Variants in CEP152 observed in about 807,000 individuals in gnomAD.
The protein encoded by CEP152 is centrosomal protein 152.
A neutral mutation model predicts 188.9 loss-of-function variants in CEP152; 132 were observed. That is an observed-to-expected ratio of 0.70 (90% CI 0.61 to 0.81). The LOEUF is 0.81. CEP152 is among the 30% of genes least tolerant of loss of function. CEP152 has a pLI of 0.00. For missense variants in CEP152, 1,914 were observed against 1,969.8 expected, an observed-to-expected ratio of 0.97 and a Z score of 0.54; for synonymous variants, 649 against 666.6, an observed-to-expected ratio of 0.97 and a Z score of 0.41.
chr15:48,777,770 T>G (rs1042007225), intron 12 of CEP152, among the ~76,000 whole-genome samples: 3 of 152,174 alleles, frequency 2.0e-5, no homozygotes, highest in Non-Finnish European at 4.4e-5. Context: ...AGCAGAATGA[T>G]TATTTTGCTC....
chr15:48,797,908 G>T, intron 3 of CEP152, 40 bp downstream of exon 3: 2 of 1,530,772 alleles, frequency 1.3e-6, no homozygotes, highest in Non-Finnish European at 1.8e-6. Flanking sequence ...AAGACTTATA[G>T]AATTGCAATA....
chr15:48,772,280 G>A (rs201930708), intron 13 of CEP152, among the ~76,000 whole-genome samples: 6 of 152,128 alleles, frequency 3.9e-5, no homozygotes, highest in East Asian at 1.9e-4. Flanking sequence ...GCATAGTGGC[G>A]TGCGCCTGTG....
Position 48,782,151 on chromosome 15 carries a change from G to C in CEP152, c.1401C>G (p.Asn467Lys). The C allele has an allele frequency of 2.5e-6, 4 of 1,613,740 alleles. No individual in the cohort carries two copies. Among genetic ancestry groups the C allele is most frequent in the Non-Finnish European group, 3.4e-6 (4 of 1,179,746 alleles). ...QKAHAMSANMNKALQEELTEL... is the reference protein window; with the variant it reads ...QKAHAMSANMKKALQEELTEL... ...TGGCAACACTCACTTGCAAAGCCTT[G>C]TTCATGTTTGCACTCATAGCATGTG... is the stretch of plus-strand genomic sequence containing the variant. The change falls in exon 11 of 27, where the codon AAC becomes AAG. Residue 467 changes from asparagine (N) to lysine (K), a missense_variant. Coordinates refer to ENST00000380950, the MANE Select transcript of CEP152 (RefSeq NM_001194998.2).
chr15:48,796,163 G>C lies in CEP152; in HGVS notation c.541-3C>G. ...TCCAAACCTTGACAACTGGGACCCT[G>C]TGATAACAAATGAAACTGACAATTA... On this transcript the variant is annotated splice_region_variant and splice_polypyrimidine_tract_variant and intron_variant, in intron 5 of 26. Coordinates refer to ENST00000380950, the MANE Select transcript of CEP152 (RefSeq NM_001194998.2). The C allele has an allele frequency of 1.9e-6, 3 of 1,613,398 alleles. No homozygotes were observed. The highest frequency in any genetic ancestry group is 2.5e-6 in the Non-Finnish European group (3 of 1,179,604).
chr15:48,734,659 A>G (rs2140529926), downstream of CEP152, among the ~76,000 whole-genome samples: 1 of 152,138 alleles, frequency 6.6e-6, no homozygotes, highest in Non-Finnish European at 1.5e-5. Flanking sequence ...AGATACAAAT[A>G]GGTTAAAAGG....
At chr15:48,750,308 A>G (rs1383367564) in intron 21 of CEP152, among the ~76,000 whole-genome samples, 3 of 152,140 alleles carry the variant, frequency 2.0e-5, no homozygotes, top group East Asian at 3.8e-4. Flanking sequence ...AATACATAAA[A>G]TTTATAAAAT....
At chr15:48,729,730 T>C (rs980981676) in intron 2 of CEP152, 8 of 152,112 alleles carry the variant, frequency 5.3e-5, no homozygotes, top group African/African-American at 1.7e-4. Flanking sequence ...TGTTTTTATA[T>C]ACATGTACAT....
Position 48,755,017 on chromosome 15 carries a change from C to CT in CEP152, c.3345+885dup, listed in dbSNP as rs34877620. ...TATTAGACAAACCTTATAATACTGG[C>CT]TTTTTTTTTTTTCCTGCCTCTAATC... On this transcript the variant is annotated intron_variant, in intron 20 of 26. Coordinates refer to ENST00000380950, the MANE Select transcript of CEP152 (RefSeq NM_001194998.2). Among the ~76,000 whole-genome samples, 906 of 144,166 alleles carry CT rather than the reference C, an allele frequency of 6.3e-3. 1 individual carries two copies. Among genetic ancestry groups the CT allele is most frequent in the African/African-American group, 0.02 (790 of 39,680 alleles). 94.6% of individuals were successfully genotyped at this position (144,166 alleles called of 152,430 possible).
At position 48,738,022 on chromosome 15, in the gene CEP152, C is replaced by G. The variant is rs975826562; in HGVS notation, c.*227G>C. On this transcript the variant is annotated 3_prime_UTR_variant, in exon 27 of 27. Transcript: ENST00000380950. Reference sequence around the variant, plus strand: ...AGTATAAAAATAGATGGTTTAGAAACCAAAAATAAGCACCACACAAAAGCA... The same window carrying G: ...AGTATAAAAATAGATGGTTTAGAAAGCAAAAATAAGCACCACACAAAAGCA... 3.8e-5 allele frequency: 19 copies of G among 497,674 alleles called. No individual in the cohort carries two copies. The highest frequency in any genetic ancestry group is 5.4e-4 in the Middle Eastern group (1 of 1,848). The allele number at this position is 497,674 out of a possible 1,614,324, so 30.8% of individuals were successfully genotyped here.
In CEP152 at chr15:48,744,987, T is replaced by C; in HGVS notation, c.3640A>G (p.Asn1214Asp). 1 of 1,598,394 alleles carries C rather than the reference T, an allele frequency of 6.3e-7. No individual in the cohort carries two copies. Among genetic ancestry groups the C allele is most frequent in the Non-Finnish European group, 8.5e-7 (1 of 1,171,630 alleles). Residue 1214 changes from asparagine (N) to aspartate (D), a missense_variant, in exon 23 of 27, where the codon AAT becomes GAT. Physicochemically the swap from Asn to Asp is conservative, Grantham distance 23. Transcript: ENST00000380950. ...ATTAATTCTTCAACAACTTTATTAT[T>C]CTCTTCTATAACAGAAAGTTTATAG... ...KAVVEKIGEE[N>D]NKVVEELIEE...
chr15:48,756,352 C>T lies in CEP152; in HGVS notation c.2896G>A (p.Glu966Lys), dbSNP rs1274837846. ...TGTTCTTGGATTCTGTGGATTTCTT[C>T]TTGCTTTTCTTTGTTCCATTCACTC... Reference protein sequence around the residue: ...ARSEWNKEKQEEIHRIQEQNE... With the variant: ...ARSEWNKEKQKEIHRIQEQNE... Residue 966 changes from glutamate to lysine, a missense_variant, in exon 20 of 27, where the codon GAA (glutamate) becomes AAA (lysine). By Grantham distance (56) the Glu-to-Lys change is moderately conservative (BLOSUM62 1). Coordinates refer to ENST00000380950, the MANE Select transcript of CEP152 (RefSeq NM_001194998.2). 1 of 1,574,878 alleles carries T rather than the reference C, an allele frequency of 6.3e-7. No homozygotes were observed. The highest frequency in any genetic ancestry group is 1.9e-5 in the Admixed American group (1 of 52,294).
At chr15:48,762,789 T>A (rs1259555532) in intron 17 of CEP152, 117 bp from the exon 18 acceptor site, 1 of 965,900 alleles carries the variant, frequency 1.0e-6, no homozygotes, top group Non-Finnish European at 1.5e-6. Flanking sequence ...TAGATATTGT[T>A]GTAGTAATTA....
At chr15:48,759,794 T>C (rs1229712381) in intron 19 of CEP152, among the ~76,000 whole-genome samples, 1 of 152,164 alleles carries the variant, frequency 6.6e-6, no homozygotes, top group African/African-American at 2.4e-5. Context: ...ACAAGACTAC[T>C]AACACAACAG....
chr15:48,764,313 A>G (rs1894900392), intron 17 of CEP152, among the ~76,000 whole-genome samples: 1 of 152,022 alleles, frequency 6.6e-6, no homozygotes, highest in Non-Finnish European at 1.5e-5. Flanking sequence ...GCTCTTTTCC[A>G]TCATAAGTGT....
At chr15:48,802,089 C>CAA (rs74528148) in intron 2 of CEP152, among the ~76,000 whole-genome samples, 4 of 98,928 alleles carry the variant, frequency 4.0e-5, no homozygotes, top group African/African-American at 3.9e-5. Flanking sequence ...GACTCCATCT[C>CAA]AAAAAAAAAA....
At position 48,741,584 on chromosome 15, in the gene CEP152, G is replaced by T; in HGVS notation, c.4093+17C>A. 1.2e-6 allele frequency: 2 copies of T among 1,613,934 alleles called. No individual in the cohort carries two copies. Among genetic ancestry groups the T allele is most frequent in the South Asian group, 2.2e-5 (2 of 90,990 alleles). On this transcript the variant is annotated intron_variant, in intron 26 of 26. Transcript: ENST00000380950. ...AGAAAAGATAGAAAAACCATTTGGCGACTCACTTTGACATACCTGACTGTG... is the reference window on the plus strand; with the variant it reads ...AGAAAAGATAGAAAAACCATTTGGCTACTCACTTTGACATACCTGACTGTG...
intron 21 of CEP152, among the ~76,000 whole-genome samples, chr15:48,749,065 G>A (rs1893686090): frequency 6.6e-6 from 1 of 152,026 alleles, no homozygotes; most frequent in Non-Finnish European, 1.5e-5. Context: ...CAGTTTGAAG[G>A]AGCTCCACTA....
chr15:48,763,003 T>A (rs1595629362), intron 17 of CEP152, among the ~76,000 whole-genome samples: 2 of 148,030 alleles, frequency 1.4e-5, no homozygotes, highest in East Asian at 2.0e-4. Context: ...AAAAAAAAAA[T>A]TACAGTTAAT....
At chr15:48,789,743 C>T (rs1410860280) in intron 8 of CEP152, among the ~76,000 whole-genome samples, 1 of 152,108 alleles carries the variant, frequency 6.6e-6, no homozygotes, top group Non-Finnish European at 1.5e-5. Flanking sequence ...TGGAAATGGG[C>T]CACAAGCTAA....
Sources: gnomAD v4.1 joint callset for allele counts (sites outside exome capture counted in the v4.1 genomes callset) on GRCh38, gnomAD v4.1.1 for gene constraint, MANE v1.5 for transcripts, NCBI Gene and HGNC (gene_info 2026-07-23, HGNC 2026-07-21) for gene names.